The following SLC12A7 variants were observed in gnomAD, a reference collection of about 807,000 sequenced individuals.
The protein encoded by SLC12A7 is K-Cl cotransporter 4.
A neutral mutation model predicts 120.6 loss-of-function variants in SLC12A7; 100 were observed. The ratio of observed to expected loss-of-function variants is 0.83; its 90% CI spans 0.71 to 0.98. SLC12A7 has a LOEUF of 0.98. SLC12A7 is among the 50% of genes least tolerant of loss of function. SLC12A7 has a pLI of 0.00. For missense variants in SLC12A7, 1,373 were observed against 1,548.1 expected (o/e 0.89, Z 1.90); for synonymous variants, 760 against 678.0 (o/e 1.12, Z -1.88).
chr5:1,107,519 C>T (rs1002261470), intron 1 of SLC12A7, among the ~76,000 whole-genome samples: 2 of 152,208 alleles, frequency 1.3e-5, no homozygotes, highest in Non-Finnish European at 2.9e-5. Flanking sequence ...GGTGCCTCTG[C>T]TTGACTCCAG....
chr5:1,133,957 C>T, the SLC12A7 span, among the ~76,000 whole-genome samples: 4 of 152,154 alleles, frequency 2.6e-5, no homozygotes, highest in South Asian at 4.1e-4. Context: ...CTTTCCAGCA[C>T]GTACACCATG....
At chr5:1,053,214 C>G in intron 23 of SLC12A7, 135 bp downstream of exon 23, 1 of 1,165,174 alleles carries the variant, frequency 8.6e-7, no homozygotes, top group Non-Finnish European at 1.2e-6. Flanking sequence ...GCATCCCGGT[C>G]GTAGCTCCCA....
At chr5:1,093,940 A>AAGGAGCCC (rs1476181315) in intron 2 of SLC12A7, among the ~76,000 whole-genome samples, 1 of 151,958 alleles carries the variant, frequency 6.6e-6, no homozygotes, top group Admixed American at 6.6e-5. Flanking sequence ...TAGATCCAGG[A>AAGGAGCCC]AGGAGCCCAG....
At chr5:1,064,360 G>C (rs931811450) in intron 18 of SLC12A7, 108 bp from the exon 19 acceptor site, 2 of 1,324,550 alleles carry the variant, frequency 1.5e-6, no homozygotes, top group African/African-American at 3.0e-5. Context: ...GGCGAGGGGG[G>C]TCCCCACAAA....
chr5:1,100,095 G>A (rs746860522), intron 1 of SLC12A7, among the ~76,000 whole-genome samples: 77 of 152,158 alleles, frequency 5.1e-4, no homozygotes, highest in Non-Finnish European at 8.4e-4. Flanking sequence ...GCTCCCACAC[G>A]CCTCGGAAGA....
At chr5:1,147,126 A>G in the SLC12A7 span, among the ~76,000 whole-genome samples, 2 of 152,104 alleles carry the variant, frequency 1.3e-5, no homozygotes, top group South Asian at 4.1e-4. Context: ...ACAAAATCCA[A>G]AGTCCCACAG....
chr5:1,110,426 G>C (rs911460222), intron 1 of SLC12A7, among the ~76,000 whole-genome samples: 1 of 152,248 alleles, frequency 6.6e-6, no homozygotes, highest in Non-Finnish European at 1.5e-5. Flanking sequence ...GCAGACACAG[G>C]CCCAGGGCAC....
chr5:1,153,480 G>A, the SLC12A7 span, among the ~76,000 whole-genome samples: 59 of 152,334 alleles, frequency 3.9e-4, no homozygotes, highest in Non-Finnish European at 7.4e-4. Flanking sequence ...GGCACCCGGA[G>A]GAGAGGCCAA....
At chr5:1,061,067 G>A (rs1429431549) in intron 20 of SLC12A7, among the ~76,000 whole-genome samples, 5 of 115,350 alleles carry the variant, frequency 4.3e-5, no homozygotes, top group South Asian at 3.3e-4. Flanking sequence ...CGCCGCACCC[G>A]CCGCACCTGC....
upstream of SLC12A7, among the ~76,000 whole-genome samples, chr5:1,116,123 G>A (rs571050281): frequency 2.8e-4 from 43 of 152,198 alleles, 1 homozygote; most frequent in Admixed American, 2.5e-3. Flanking sequence ...ACCTGTGGGG[G>A]CTCGAAGGGA....
intron 8 of SLC12A7, among the ~76,000 whole-genome samples, chr5:1,082,689 A>G (rs961451884): frequency 1.3e-5 from 2 of 148,752 alleles, no homozygotes; most frequent in African/African-American, 5.0e-5. Context: ...AGGGTTCTGG[A>G]AAGTCCGGGC....
At chr5:1,102,043 G>A (rs1469650019) in intron 1 of SLC12A7, among the ~76,000 whole-genome samples, 1 of 152,252 alleles carries the variant, frequency 6.6e-6, no homozygotes, top group Non-Finnish European at 1.5e-5. Flanking sequence ...CAAAGTGAAT[G>A]CAGACCCTGT....
upstream of SLC12A7, among the ~76,000 whole-genome samples, chr5:1,117,016 G>A (rs1195909980): frequency 1.3e-5 from 2 of 152,148 alleles, no homozygotes; most frequent in Non-Finnish European, 2.9e-5. The surrounding 1 kb of genome is among the most constrained non-coding windows in gnomAD (Gnocchi z 4.5). Context: ...TTTGGAAGAC[G>A]AGGCCAACCC....
At chr5:1,061,672 A>G (rs1417272279) in intron 20 of SLC12A7, among the ~76,000 whole-genome samples, 2 of 152,238 alleles carry the variant, frequency 1.3e-5, no homozygotes, top group African/African-American at 4.8e-5. Context: ...ACACCAGATC[A>G]GGTGCGGTGG....
At chr5:1,094,681 G>A (rs1489247527) in intron 1 of SLC12A7, among the ~76,000 whole-genome samples, 2 of 152,204 alleles carry the variant, frequency 1.3e-5, no homozygotes, top group Non-Finnish European at 2.9e-5. Flanking sequence ...GCCAAATGTG[G>A]GCAAAATTCT....
At chr5:1,077,637 G>A (rs2082159719) in intron 12 of SLC12A7, among the ~76,000 whole-genome samples, 196 bp downstream of exon 12, 1 of 152,162 alleles carries the variant, frequency 6.6e-6, no homozygotes, top group Non-Finnish European at 1.5e-5. Context: ...GCAGGCAGGA[G>A]GGCTAGAATT....
At position 1,056,271 on chromosome 5, in the gene SLC12A7, G is replaced by A. The variant is rs371770251; in HGVS notation, c.3026+1200C>T. Among the ~76,000 whole-genome samples, 18 of 152,300 alleles carry A rather than the reference G, an allele frequency of 1.2e-4. 2 individuals are homozygous for A. The highest frequency in any genetic ancestry group is 6.8e-3 in the Middle Eastern group (2 of 294). On this transcript the variant is annotated intron_variant, in intron 22 of 23. Transcript: ENST00000264930. ...GACTCACTGACGGGCCCTGCGAGGC[G>A]CACGCCTCCCCTCCACTCCGGAGCG...
At chr5:1,098,356 T>C (rs369465938) in intron 1 of SLC12A7, among the ~76,000 whole-genome samples, 10 of 1,190 alleles carry the variant, frequency 8.4e-3, no homozygotes, top group Non-Finnish European at 0.01. Flanking sequence ...CCCAGCCCCC[T>C]TCTAACCCTC....
chr5:1,137,937 A>G, the SLC12A7 span, among the ~76,000 whole-genome samples: 1 of 152,232 alleles, frequency 6.6e-6, no homozygotes, highest in South Asian at 2.1e-4. Flanking sequence ...CTGTGGCAGA[A>G]GGAGCAGTCT....
Sources: gnomAD v4.1 joint callset for allele counts (sites outside exome capture counted in the v4.1 genomes callset) on GRCh38, gnomAD v4.1.1 for gene constraint, Gnocchi (gnomAD v3.1) non-coding constraint, MANE v1.5 for transcripts, NCBI Gene and HGNC (gene_info 2026-07-23, HGNC 2026-07-21) for gene names.